Variants in ZSCAN18 observed in about 807,000 individuals in gnomAD.
ZSCAN18 encodes the protein zinc finger and SCAN domain containing 18, also known as zinc finger and SCAN domain-containing protein 18.
In ZSCAN18, 16 loss-of-function variants were observed where a neutral mutation model predicts 31.1. The ratio of observed to expected loss-of-function variants is 0.51; its 90% CI spans 0.35 to 0.78. ZSCAN18 has a LOEUF of 0.78. Among genes scored for constraint, ZSCAN18 ranks in the 30% least tolerant of loss-of-function variants. ZSCAN18 has a pLI of 0.01. For missense variants in ZSCAN18, 731 were observed against 697.4 expected (o/e 1.05, Z -0.54); for synonymous variants, 375 against 320.7 (o/e 1.17, Z -1.81).
chr19:58,085,065 C>T lies in ZSCAN18; in HGVS notation c.1153G>A (p.Val385Ile), dbSNP rs2074238928. Reference sequence around the variant, plus strand: ...CCTGCGCTGTCGCCGGAGCTAGAGACGCCCTCGAGGCTCTGCCCGTCCCCA... The same window carrying T: ...CCTGCGCTGTCGCCGGAGCTAGAGATGCCCTCGAGGCTCTGCCCGTCCCCA... ...EDGDGQSLEG[V>I]SSSGDSAGLE... Residue 385 changes from valine (V) to isoleucine (I), a missense_variant, in exon 7 of 7, where the codon GTC (valine) becomes ATC (isoleucine). Val to Ile is a conservative substitution (Grantham distance 29). This residue lies in a region of ZSCAN18 where 597 missense variants were observed against 499.5 expected (regional missense o/e 1.20). Transcript: ENST00000601144. 1.9e-6 allele frequency: 3 copies of T among 1,600,772 alleles called. No individual in the cohort carries two copies. Among genetic ancestry groups the T allele is most frequent in the Non-Finnish European group, 2.6e-6 (3 of 1,172,602 alleles).
upstream of ZSCAN18, among the ~76,000 whole-genome samples, chr19:58,103,091 C>T (rs750009161): frequency 2.0e-5 from 3 of 151,012 alleles, no homozygotes; most frequent in Non-Finnish European, 4.4e-5. Flanking sequence ...CACTGTACTC[C>T]AGCCTGGGTG....
chr19:58,089,595 C>A (rs2074368897), intron 2 of ZSCAN18, among the ~76,000 whole-genome samples: 1 of 152,204 alleles, frequency 6.6e-6, no homozygotes, highest in Non-Finnish European at 1.5e-5. Context: ...CACTGCGCTC[C>A]AGCCTAGTGA....
In ZSCAN18 at chr19:58,084,905, C is replaced by T. The variant is rs2074232017; in HGVS notation, c.1313G>A (p.Arg438Gln). 6.9e-6 allele frequency: 11 copies of T among 1,593,552 alleles called. No homozygotes were observed. Among genetic ancestry groups the T allele is most frequent in the Non-Finnish European group, 9.4e-6 (11 of 1,172,066 alleles). Residue 438 changes from arginine to glutamine, a missense_variant, in exon 7 of 7, where the codon CGG (arginine) becomes CAG (glutamine). Transcript: ENST00000601144. This position sits in a 1 kb window ranked among gnomAD's most constrained non-coding sequence, Gnocchi z 4.5. ...GCAGCCCTGACAGGCGTAGCGCTTC[C>T]GGCCGCCATGGCTGCTGTGGTGCTC... is the stretch of plus-strand genomic sequence containing the variant. ...LMEHHSSHGGRKRYACQGCWK... is the reference protein window; with the variant it reads ...LMEHHSSHGGQKRYACQGCWK...
intron 1 of ZSCAN18, among the ~76,000 whole-genome samples, chr19:58,116,748 C>A (rs764527751): frequency 2.0e-5 from 3 of 152,178 alleles, no homozygotes; most frequent in Non-Finnish European, 4.4e-5. Context: ...CTGCCTGTTA[C>A]TGAGTAAGGA....
upstream of ZSCAN18, among the ~76,000 whole-genome samples, chr19:58,099,577 G>C (rs533710731): frequency 4.2e-4 from 64 of 152,170 alleles, no homozygotes; most frequent in African/African-American, 1.4e-3. Flanking sequence ...TTCTGTGAAC[G>C]TAAGTTTTCA....
chr19:58,098,162 G>C lies in ZSCAN18; in HGVS notation c.-120+12C>G. ...CTCTGACCCCCGCGCTGCATCCCCG[G>C]GACCGACCCACCTGCTGCGCAGCTA... On this transcript the variant is annotated intron_variant, in intron 1 of 6. Transcript: ENST00000601144. 1 of 985,550 alleles carries C rather than the reference G, an allele frequency of 1.0e-6. No homozygotes were observed. Among genetic ancestry groups the C allele is most frequent in the Non-Finnish European group, 1.2e-6 (1 of 830,062 alleles). The allele number at this position is 985,550 out of a possible 1,614,324, so 61.1% of individuals were successfully genotyped here.
At chr19:58,085,910 A>C (rs1599950988) in intron 6 of ZSCAN18, 1 of 429,334 alleles carries the variant, frequency 2.3e-6, no homozygotes, top group Non-Finnish European at 4.2e-6. Context: ...CAGAACGGCC[A>C]CCCCCGGGAC....
At chr19:58,092,636 T>C (rs1400095190) in intron 1 of ZSCAN18, 7 of 883,030 alleles carry the variant, frequency 7.9e-6, no homozygotes, top group Non-Finnish European at 9.5e-6. Flanking sequence ...AACCTCTCTC[T>C]CTGTGGCTAC....
intron 1 of ZSCAN18, chr19:58,118,118 G>C (rs1033259805): frequency 4.9e-6 from 2 of 410,992 alleles, no homozygotes; most frequent in Non-Finnish European, 8.7e-6. Context: ...GGCGGAGAGA[G>C]TTCCTCACGC....
At chr19:58,105,505 C>CA (rs774041032) in intron 1 of ZSCAN18, among the ~76,000 whole-genome samples, 4 of 151,674 alleles carry the variant, frequency 2.6e-5, no homozygotes, top group Non-Finnish European at 5.9e-5. Context: ...ACTAAAAATA[C>CA]AAAAAATTAG....
intron 1 of ZSCAN18, among the ~76,000 whole-genome samples, chr19:58,093,744 T>C (rs945795408): frequency 2.6e-5 from 4 of 152,168 alleles, no homozygotes; most frequent in African/African-American, 9.7e-5. Flanking sequence ...GGTAATGTCC[T>C]AATGTTTCTT....
upstream of ZSCAN18, among the ~76,000 whole-genome samples, chr19:58,099,265 C>T (rs2074572284): frequency 6.6e-6 from 1 of 152,174 alleles, no homozygotes; most frequent in African/African-American, 2.4e-5. Context: ...TAGTCACTCC[C>T]TCCCCACCCA....
chr19:58,102,750 A>G (rs2074605537), upstream of ZSCAN18, among the ~76,000 whole-genome samples: 1 of 148,886 alleles, frequency 6.7e-6, no homozygotes, highest in Non-Finnish European at 1.5e-5. Context: ...GACTCTCACT[A>G]GTCATTCAAT....
Position 58,087,315 on chromosome 19 carries a change from C to T in ZSCAN18, c.642+1G>A, listed in dbSNP as rs1231400693. 3 of 1,603,196 alleles carry T rather than the reference C, an allele frequency of 1.9e-6. No homozygotes were observed. Among genetic ancestry groups the T allele is most frequent in the East Asian group, 4.5e-5 (2 of 44,734 alleles). On this transcript the variant is annotated splice_donor_variant, in intron 4 of 6. Coordinates refer to ENST00000601144, the MANE Select transcript of ZSCAN18 (RefSeq NM_001145543.2). LOFTEE classifies it high-confidence loss of function. ...TCACCCACCTGCTCGTGCCCACCCA[C>T]CTGCTCGGTGTTGGCAGGGCCGTCC...
intron 1 of ZSCAN18, chr19:58,109,189 A>G (rs2074659361): frequency 1.6e-6 from 2 of 1,231,482 alleles, no homozygotes; most frequent in Non-Finnish European, 2.0e-6. Context: ...GACCTCTCCT[A>G]ATGCAGATAA....
At chr19:58,091,962 GCT>G (rs2074420799) in intron 1 of ZSCAN18, among the ~76,000 whole-genome samples, 1 of 152,118 alleles carries the variant, frequency 6.6e-6, no homozygotes, top group Non-Finnish European at 1.5e-5. Context: ...GTCAAGTTCT[GCT>G]CTGACAGTGC....
chr19:58,094,047 G>A (rs182663817), intron 1 of ZSCAN18, among the ~76,000 whole-genome samples: 5 of 152,054 alleles, frequency 3.3e-5, no homozygotes, highest in African/African-American at 4.8e-5. Flanking sequence ...TTACAAGAGT[G>A]AGCCACTGCA....
chr19:58,101,564 G>A (rs1422088548), upstream of ZSCAN18, among the ~76,000 whole-genome samples: 1 of 149,302 alleles, frequency 6.7e-6, no homozygotes, highest in Non-Finnish European at 1.5e-5. Flanking sequence ...CTGTCACCCA[G>A]GTTGGAGTGC....
At chr19:58,117,997 G>A (rs1410498152) in intron 1 of ZSCAN18, among the ~76,000 whole-genome samples, 1 of 152,156 alleles carries the variant, frequency 6.6e-6, no homozygotes, top group Non-Finnish European at 1.5e-5. Context: ...AAGGAGAGTA[G>A]AGGGCTCGCG....
Sources: gnomAD v4.1 joint callset for allele counts (sites outside exome capture counted in the v4.1 genomes callset) on GRCh38, gnomAD v4.1.1 for gene constraint, gnomAD v4.1.1 regional missense constraint, Gnocchi (gnomAD v3.1) non-coding constraint, MANE v1.5 for transcripts, NCBI Gene and HGNC (gene_info 2026-07-23, HGNC 2026-07-21) for gene names.